Variants in PLEKHM2 observed in about 807,000 individuals in gnomAD.
PLEKHM2 encodes pleckstrin homology and RUN domain containing M2.
A neutral mutation model predicts 116.3 loss-of-function variants in PLEKHM2; 77 were observed. The observed-to-expected ratio is 0.66, with a 90% CI of 0.55 to 0.80. PLEKHM2 has a LOEUF of 0.80. Ranked by LOEUF, PLEKHM2 falls within the 30% of genes least tolerant of loss-of-function variation. The probability of loss-of-function intolerance (pLI) is 0.00; values close to 1 mark genes in which losing one functional copy is unlikely to be tolerated. For missense variants in PLEKHM2, 1,183 were observed against 1,354.9 expected, an observed-to-expected ratio of 0.87 and a Z score of 1.99; for synonymous variants, 562 against 571.0, an observed-to-expected ratio of 0.98 and a Z score of 0.22.
At chr1:15,683,498 G>A (rs1304331520), upstream of PLEKHM2, among the ~76,000 whole-genome samples, 1 of 151,104 alleles carries the variant, frequency 6.6e-6, no homozygotes, top group African/African-American at 2.4e-5. Flanking sequence ...GAGGAGGGCC[G>A]GGGTCTCAGG....
At chr1:15,706,215 TGCATGATCCG>T (rs1217075521) in intron 1 of PLEKHM2, among the ~76,000 whole-genome samples, 1 of 152,174 alleles carries the variant, frequency 6.6e-6, no homozygotes, top group Non-Finnish European at 1.5e-5. Context: ...TGTGTGGCTG[TGCATGATCCG>T]GCCCTCAGCT....
intron 1 of PLEKHM2, among the ~76,000 whole-genome samples, chr1:15,707,958 C>T (rs1372361777): frequency 1.3e-5 from 2 of 152,128 alleles, no homozygotes; most frequent in African/African-American, 2.4e-5. Flanking sequence ...GATCTCAGGT[C>T]ACTGTGACCT....
rs774557710 is a variant in PLEKHM2, at chr1:15,732,637, T to C, written c.2831T>C (p.Leu944Pro). The C allele has an allele frequency of 1.2e-6, 2 of 1,605,970 alleles. No individual in the cohort carries two copies. The highest frequency in any genetic ancestry group is 4.5e-5 in the East Asian group (2 of 44,628). ...GAGTTCTCCCAGGACAGCCAGCAGC[T>C]CCTCCCGCCCTGGGTCATCTACCTG... Reference protein sequence around the residue: ...VLEFSQDSQQLLPPWVIYLSC... With the variant: ...VLEFSQDSQQPLPPWVIYLSC... Residue 944 changes from leucine (L) to proline (P), a missense_variant, in exon 19 of 20, where the codon CTC becomes CCC. This residue lies in a region of PLEKHM2 where 594 missense variants were observed against 720.1 expected (regional missense o/e 0.82). Coordinates refer to ENST00000375799, the MANE Select transcript of PLEKHM2 (RefSeq NM_015164.4).
rs1245870710 is a variant in PLEKHM2, at chr1:15,719,716, C to G, written c.466-18C>G. The G allele has an allele frequency of 1.2e-6, 2 of 1,600,630 alleles. No individual in the cohort carries two copies. The highest frequency in any genetic ancestry group is 1.7e-6 in the Non-Finnish European group (2 of 1,170,040). ...ACGAGGCCTCCCACCAAACGGGCCT[C>G]CTCTACTCTCTCCTCAGGATGCCCC... On this transcript the variant is annotated intron_variant, in intron 5 of 19. Transcript: ENST00000375799. This position sits in a 1 kb window ranked among gnomAD's most constrained non-coding sequence, Gnocchi z 4.1.
chr1:15,711,527 G>C (rs1641329668), intron 1 of PLEKHM2, among the ~76,000 whole-genome samples: 1 of 151,526 alleles, frequency 6.6e-6, no homozygotes, highest in African/African-American at 2.4e-5. Context: ...TGACGCAGGA[G>C]AATCACCTGA....
chr1:15,720,688 A>G (rs1229823871), intron 6 of PLEKHM2: 1 of 154,364 alleles, frequency 6.5e-6, no homozygotes, highest in African/African-American at 2.4e-5. Flanking sequence ...GGGGCACCCT[A>G]GAATTGCCTC....
chr1:15,681,724 A>G, upstream of PLEKHM2: 1 of 398,266 alleles, frequency 2.5e-6, no homozygotes, highest in African/African-American at 2.1e-5. Flanking sequence ...ATTTCTACTC[A>G]TAGATACCTG....
intron 16 of PLEKHM2, 31 bp from the exon 17 acceptor site, chr1:15,731,858 G>A (rs981192710): frequency 9.4e-6 from 15 of 1,593,602 alleles, no homozygotes; most frequent in Non-Finnish European, 1.3e-5. Flanking sequence ...TTGCCTCCTC[G>A]CTCCCGTTTC....
At position 15,727,602 on chromosome 1, in the gene PLEKHM2, G is replaced by A. The variant is rs1158424684; in HGVS notation, c.1530G>A (p.Glu510=). 1 of 1,583,710 alleles carries A rather than the reference G, an allele frequency of 6.3e-7. No individual in the cohort carries two copies. The change falls in exon 9 of 20, where the codon GAG becomes GAA. Residue 510 remains glutamate, a synonymous_variant. Transcript: ENST00000375799. The surrounding 1 kb of genome is among the most constrained non-coding windows in gnomAD (Gnocchi z 7.5). The stretch of plus-strand genomic sequence containing the variant: ...AAGAAGAAGAGGGAGGAGGAGGAGA[G>A]GGACAGACGCCTCGGCCCCTAGAGG... The part of the protein sequence containing the change: ...AGQEEEGGGG[E]GQTPRPLEDT...
At position 15,716,362 on chromosome 1, in the gene PLEKHM2, C is replaced by G. The variant is rs769369396; in HGVS notation, c.167+19C>G. On this transcript the variant is annotated intron_variant, in intron 2 of 19. Transcript: ENST00000375799. ...TGTACGGGTAAGGTGGAGGAAGTTT[C>G]CAAAGATGACGGAGCACAACCCAGG... is the stretch of plus-strand genomic sequence containing the variant. 1.3e-6 allele frequency: 2 copies of G among 1,487,158 alleles called. No individual in the cohort carries two copies. The highest frequency in any genetic ancestry group is 9.2e-7 in the Non-Finnish European group (1 of 1,082,394). 92.1% of individuals were successfully genotyped at this position (1,487,158 alleles called of 1,614,324 possible).
chr1:15,730,258 T>C (rs1390953208), intron 14 of PLEKHM2, among the ~76,000 whole-genome samples: 1 of 152,136 alleles, frequency 6.6e-6, no homozygotes, highest in Non-Finnish European at 1.5e-5. Flanking sequence ...CTCGCCAACA[T>C]GGCAAAACCC....
chr1:15,695,357 A>G (rs1325078415), intron 1 of PLEKHM2, among the ~76,000 whole-genome samples: 1 of 152,190 alleles, frequency 6.6e-6, no homozygotes, highest in East Asian at 1.9e-4. Flanking sequence ...CTGCTGAGGC[A>G]TGAGAGTCCT....
At chr1:15,720,112 G>A (rs1452374978) in intron 6 of PLEKHM2, among the ~76,000 whole-genome samples, 192 bp downstream of exon 6, 2 of 144,322 alleles carry the variant, frequency 1.4e-5, no homozygotes, top group African/African-American at 5.2e-5. Context: ...TGGATTCTGG[G>A]CACAAAAAGC....
At chr1:15,689,787 G>A (rs547049221) in intron 1 of PLEKHM2, among the ~76,000 whole-genome samples, 1 of 152,104 alleles carries the variant, frequency 6.6e-6, no homozygotes, top group South Asian at 2.1e-4. Flanking sequence ...ACGGAATTTC[G>A]CTCTTGTTGC....
chr1:15,708,520 C>T (rs986289436), intron 1 of PLEKHM2, among the ~76,000 whole-genome samples: 8 of 152,148 alleles, frequency 5.3e-5, no homozygotes, highest in African/African-American at 7.2e-5. Context: ...CGGTCCGGAA[C>T]GGCATTTTTC....
chr1:15,685,682 CTG>C (rs1640757079), intron 1 of PLEKHM2, among the ~76,000 whole-genome samples: 1 of 148,922 alleles, frequency 6.7e-6, no homozygotes, highest in Admixed American at 6.6e-5. Context: ...AAATAATTGT[CTG>C]TTTTCCCACT....
At chr1:15,684,661 CG>C in intron 1 of PLEKHM2, 43 bp downstream of exon 1, 1 of 1,110,472 alleles carries the variant, frequency 9.0e-7, no homozygotes, top group Non-Finnish European at 1.1e-6. Context: ...TTCCTCGCCG[CG>C]CCCCCCACGC....
rs1571069389 is a variant in PLEKHM2, at chr1:15,728,587, G to C, written c.1922-82G>C. 1 of 1,279,098 alleles carries C rather than the reference G, an allele frequency of 7.8e-7. No individual in the cohort carries two copies. The highest frequency in any genetic ancestry group is 1.1e-6 in the Non-Finnish European group (1 of 898,350). 79.2% of individuals were successfully genotyped at this position (1,279,098 alleles called of 1,614,324 possible). A position where few individuals can be genotyped will look rare whatever the true frequency, so the allele number is the denominator to read the frequency against. ...GGGCAAGGAGAGGCCCTCTAAGAGA[G>C]GGGGCTGTGTCTAAGAAAATGGGGC... On this transcript the variant is annotated intron_variant, in intron 11 of 19. Coordinates refer to ENST00000375799, the MANE Select transcript of PLEKHM2 (RefSeq NM_015164.4). The surrounding 1 kb of genome is among the most constrained non-coding windows in gnomAD (Gnocchi z 5.9).
chr1:15,727,617 G>T lies in PLEKHM2; in HGVS notation c.1545G>T (p.Arg515=). The T allele has an allele frequency of 6.3e-7, 1 of 1,587,702 alleles. No individual in the cohort carries two copies. Residue 515 remains arginine, a synonymous_variant, in exon 9 of 20, where the codon CGG becomes CGT. Transcript: ENST00000375799. This position sits in a 1 kb window ranked among gnomAD's most constrained non-coding sequence, Gnocchi z 7.5. ...GAGGAGGAGAGGGACAGACGCCTCG[G>T]CCCCTAGAGGATACCACGAGGGAGG... ...EGGGGEGQTP[R]PLEDTTREAQ... is the part of the protein sequence containing the mutation.
Sources: gnomAD v4.1 joint callset for allele counts (sites outside exome capture counted in the v4.1 genomes callset) on GRCh38, gnomAD v4.1.1 for gene constraint, gnomAD v4.1.1 regional missense constraint, Gnocchi (gnomAD v3.1) non-coding constraint, MANE v1.5 for transcripts, NCBI Gene and HGNC (gene_info 2026-07-23, HGNC 2026-07-21) for gene names.